Variants in SMOC2 observed in about 807,000 individuals in gnomAD.
SMOC2 encodes the protein SPARC related modular calcium binding 2.
In SMOC2, 39 loss-of-function variants were observed where a neutral mutation model predicts 61.4. That is an observed-to-expected ratio of 0.64 (90% confidence interval 0.49 to 0.83). The LOEUF is 0.83. SMOC2 is among the 40% of genes least tolerant of loss of function. SMOC2 has a pLI of 0.00. For synonymous variants in SMOC2, 247 were observed against 239.9 expected (o/e 1.03, Z -0.27); for missense variants, 556 against 592.9 (o/e 0.94, Z 0.65).
chr6:168,514,429 T>C (rs534394776), intron 2 of SMOC2, among the ~76,000 whole-genome samples: 2 of 152,164 alleles, frequency 1.3e-5, no homozygotes, highest in East Asian at 3.9e-4. Flanking sequence ...CGCAGGGCCA[T>C]GGGTTATGGA....
chr6:168,666,483 C>A lies in SMOC2; in HGVS notation c.*45C>A. Reference sequence around the variant, plus strand: ...CAGTTCCTAGACACATGGGAAATTTCCCTCACCAAAGAGCAATTAAGAAAA... The same window carrying A: ...CAGTTCCTAGACACATGGGAAATTTACCTCACCAAAGAGCAATTAAGAAAA... On this transcript the variant is annotated 3_prime_UTR_variant, in exon 13 of 13. Transcript: ENST00000356284. 6.2e-7 allele frequency: 1 copy of A among 1,608,088 alleles called. No homozygotes were observed. Among genetic ancestry groups the A allele is most frequent in the Non-Finnish European group, 8.5e-7 (1 of 1,175,244 alleles).
intron 7 of SMOC2, among the ~76,000 whole-genome samples, chr6:168,584,769 A>G (rs1785009083): frequency 6.6e-6 from 1 of 152,048 alleles, no homozygotes. Context: ...TATGGAGAGC[A>G]TCGATGTAGA....
intron 7 of SMOC2, among the ~76,000 whole-genome samples, chr6:168,584,490 A>G (rs1784999332): frequency 6.6e-6 from 1 of 152,132 alleles, no homozygotes; most frequent in African/African-American, 2.4e-5. Context: ...ATTAGTGGTA[A>G]GAGGTCTCTG....
intron 2 of SMOC2, among the ~76,000 whole-genome samples, chr6:168,524,275 TC>T (rs1171273917): frequency 6.6e-6 from 1 of 152,232 alleles, no homozygotes; most frequent in Non-Finnish European, 1.5e-5. Context: ...CAGTTTTACT[TC>T]ATAAGATGAC....
intron 9 of SMOC2, among the ~76,000 whole-genome samples, chr6:168,623,851 A>C (rs75870152): frequency 0.055 from 8,349 of 152,268 alleles, 519 homozygotes; most frequent in Admixed American, 0.17. Flanking sequence ...TGGGGCAGCC[A>C]GAGTGGCTGA....
rs192430930 is a variant in SMOC2, at chr6:168,665,842, G to A, written c.1324-579G>A. Among the ~76,000 whole-genome samples the A allele has an allele frequency of 1.3e-3, 192 of 151,264 alleles. 2 individuals are homozygous for A. In the South Asian group the frequency reaches 0.015, roughly 12 times the overall value. On this transcript the variant is annotated intron_variant, in intron 12 of 12. Coordinates refer to ENST00000356284, the MANE Select transcript of SMOC2 (RefSeq NM_001166412.2). ...AATTATTTGAAATAATAAAACAGAAGAAGGGATCAACATTTGTCGGAATTG... is the reference window on the plus strand; with the variant it reads ...AATTATTTGAAATAATAAAACAGAAAAAGGGATCAACATTTGTCGGAATTG...
rs778316789 is a variant in SMOC2, at chr6:168,509,927, G to T, written c.97G>T (p.Asp33Tyr). The change falls in exon 2 of 13, where the codon GAT becomes TAT. Residue 33 changes from aspartate (D) to tyrosine (Y), a missense_variant. By Grantham distance (160) the Asp-to-Tyr change is radical. Transcript: ENST00000356284. Reference sequence around the variant, plus strand: ...TTTCTCCTTTAAGTTTTTGAGAGTGGATCAAGATAAAGACAAGGATTGTAG... The same window carrying T: ...TTTCTCCTTTAAGTTTTTGAGAGTGTATCAAGATAAAGACAAGGATTGTAG... ...KFSALTFLRV[D>Y]QDKDKDCSLD... 1.9e-6 allele frequency: 3 copies of T among 1,600,412 alleles called. No homozygotes were observed. Among genetic ancestry groups the T allele is most frequent in the Non-Finnish European group, 2.6e-6 (3 of 1,170,408 alleles).
Position 168,645,083 on chromosome 6 carries a change from T to C in SMOC2, c.908-5598T>C, listed in dbSNP as rs998698389. 4.6e-5 allele frequency among the ~76,000 whole-genome samples: 7 copies of C among 152,252 alleles called. 1 individual carries two copies. Among genetic ancestry groups the C allele is most frequent in the Admixed American group, 4.6e-4 (7 of 15,292 alleles). ...TTCCTAACATTCATCATAGAGTTAGTAAATGTAAAATTTTGTTAGTGTCAA... is the reference window on the plus strand; with the variant it reads ...TTCCTAACATTCATCATAGAGTTAGCAAATGTAAAATTTTGTTAGTGTCAA... On this transcript the variant is annotated intron_variant, in intron 9 of 12. Transcript: ENST00000356284.
At chr6:168,583,849 T>A (rs535652031) in intron 7 of SMOC2, among the ~76,000 whole-genome samples, 2 of 151,988 alleles carry the variant, frequency 1.3e-5, no homozygotes, top group South Asian at 4.2e-4. Flanking sequence ...TTGTCCTGAG[T>A]GGGACAAACT....
intron 7 of SMOC2, among the ~76,000 whole-genome samples, chr6:168,550,054 CT>C (rs1404799891): frequency 2.6e-5 from 4 of 152,156 alleles, no homozygotes; most frequent in Non-Finnish European, 4.4e-5. Flanking sequence ...ATGATTTTGA[CT>C]GTTTTCATGG....
chr6:168,533,563 G>C (rs1424229249), intron 4 of SMOC2, among the ~76,000 whole-genome samples: 1 of 152,174 alleles, frequency 6.6e-6, no homozygotes, highest in East Asian at 1.9e-4. Flanking sequence ...AGATCAACGA[G>C]GCAGCTGCGT....
intron 9 of SMOC2, among the ~76,000 whole-genome samples, chr6:168,638,815 A>G (rs750617200): frequency 1.9e-4 from 29 of 152,170 alleles, no homozygotes; most frequent in Non-Finnish European, 3.8e-4. Context: ...TCCTCGTTCC[A>G]TTTGAGATTC....
intron 1 of SMOC2, 96 bp from the exon 2 acceptor site, chr6:168,509,819 C>G (rs554233250): frequency 1.0e-5 from 13 of 1,276,238 alleles, no homozygotes; most frequent in Non-Finnish European, 1.3e-5. Flanking sequence ...AGCTTTCATT[C>G]CCTGACCGTG....
At chr6:168,599,978 C>T (rs1785496037) in intron 8 of SMOC2, among the ~76,000 whole-genome samples, 1 of 151,732 alleles carries the variant, frequency 6.6e-6, no homozygotes, top group Non-Finnish European at 1.5e-5. Flanking sequence ...ATACTCTCCC[C>T]ACACACACAC....
rs368794306 is a variant in SMOC2 at position 168,639,016 on chromosome 6, C to T, written c.908-11665C>T. 7.0e-4 allele frequency among the ~76,000 whole-genome samples: 106 copies of T among 152,222 alleles called. 1 individual carries two copies. In the South Asian group the frequency reaches 0.021, roughly 30 times the overall value. ...ATTGTGTGTAGACCTGGCTTCGTTACAAATCTAGATGGAAAAAAGCAAATT... is the reference window on the plus strand; with the variant it reads ...ATTGTGTGTAGACCTGGCTTCGTTATAAATCTAGATGGAAAAAAGCAAATT... On this transcript the variant is annotated intron_variant, in intron 9 of 12. Coordinates refer to ENST00000356284, the MANE Select transcript of SMOC2 (RefSeq NM_001166412.2).
chr6:168,621,888 G>A (rs1002774701), intron 9 of SMOC2, among the ~76,000 whole-genome samples: 9 of 152,136 alleles, frequency 5.9e-5, no homozygotes, highest in South Asian at 2.1e-4. Context: ...CACTCATTGC[G>A]TTACACAGGG....
chr6:168,656,394 C>T (rs1432784296), intron 11 of SMOC2, among the ~76,000 whole-genome samples: 2 of 151,406 alleles, frequency 1.3e-5, no homozygotes, highest in African/African-American at 4.9e-5. Flanking sequence ...GCCTGTAGTC[C>T]CAGCTACTCC....
Position 168,667,141 on chromosome 6 carries a change from C to G in SMOC2, c.*703C>G, listed in dbSNP as rs936117927. 1 of 152,170 alleles carries G rather than the reference C, an allele frequency of 6.6e-6. No homozygotes were observed. Among genetic ancestry groups the G allele is most frequent in the South Asian group, 2.1e-4 (1 of 4,816 alleles). The allele number at this position is 152,170 out of a possible 1,614,324, so 9.4% of individuals were successfully genotyped here. A position where few individuals can be genotyped will look rare whatever the true frequency, so the allele number is the denominator to read the frequency against. On this transcript the variant is annotated 3_prime_UTR_variant, in exon 13 of 13. Transcript: ENST00000356284. ...GGGGCTTGAATGAGTCCCAGAGAGT[C>G]GTTCGGATGGTGGGAGGCTGCCTAG...
intron 11 of SMOC2, among the ~76,000 whole-genome samples, chr6:168,657,758 A>T (rs1435854671): frequency 6.6e-6 from 1 of 152,240 alleles, no homozygotes; most frequent in East Asian, 1.9e-4. Flanking sequence ...CCCCAAATAG[A>T]AGGGCGAAGA....
Sources: allele counts gnomAD v4.1 joint callset (sites outside exome capture counted in the v4.1 genomes callset), GRCh38; gene constraint gnomAD v4.1.1; transcripts MANE v1.5; gene names NCBI Gene and HGNC (gene_info 2026-07-23, HGNC 2026-07-21).